The following TBC1D32 variants were observed in gnomAD, a reference collection of about 807,000 sequenced individuals.
TBC1D32 encodes the protein protein broad-minded.
TBC1D32 carries 151 observed loss-of-function variants against 170.3 expected under a neutral mutation model. That is an observed-to-expected ratio of 0.89 (90% CI 0.78 to 1.01). TBC1D32 has a LOEUF of 1.01. TBC1D32 is among the 50% of genes least tolerant of loss of function. The pLI, the probability that TBC1D32 is intolerant of heterozygous loss-of-function variation, is 0.00. For missense variants in TBC1D32, 1,464 were observed against 1,457.1 expected, an observed-to-expected ratio of 1.00 and a Z score of -0.08; for synonymous variants, 498 against 488.0, an observed-to-expected ratio of 1.02 and a Z score of -0.27.
chr6:121,160,378 G>GT (rs11310157), intron 23 of TBC1D32, among the ~76,000 whole-genome samples: 98,818 of 151,660 alleles, frequency 0.65, 37,150 homozygotes, highest in Non-Finnish European at 0.84. Context: ...AATTTACTGT[G>GT]TTTTTTTTCA....
chr6:121,175,906 G>C (rs1188897182), intron 22 of TBC1D32, among the ~76,000 whole-genome samples: 2 of 152,180 alleles, frequency 1.3e-5, no homozygotes, highest in Non-Finnish European at 2.9e-5. Context: ...ATTATTAGAA[G>C]ACAATAAAAC....
rs140923626 is a variant in TBC1D32 at position 121,290,197 on chromosome 6, T to A, written c.1372+1856A>T. On this transcript the variant is annotated intron_variant, in intron 12 of 31. Transcript: ENST00000398212. ...TTCTGCACAGCAAAAGAAACTACCA[T>A]CAGAGTCAATGGGCAACCTACAGAA... is the stretch of plus-strand genomic sequence containing the variant. Among the ~76,000 whole-genome samples, 1,403 of 152,204 alleles carry A rather than the reference T, an allele frequency of 9.2e-3. 24 individuals are homozygous for A. Among genetic ancestry groups the A allele is most frequent in the African/African-American group, 0.032 (1,321 of 41,542 alleles).
At chr6:121,130,172 A>G (rs1041453634) in intron 25 of TBC1D32, among the ~76,000 whole-genome samples, 2 of 152,138 alleles carry the variant, frequency 1.3e-5, no homozygotes, top group Non-Finnish European at 2.9e-5. Context: ...TTTAGACTCT[A>G]TTTTTAAGAG....
chr6:121,218,883 T>A (rs1242890655), intron 21 of TBC1D32, among the ~76,000 whole-genome samples: 1 of 152,150 alleles, frequency 6.6e-6, no homozygotes, highest in Non-Finnish European at 1.5e-5. Flanking sequence ...CCTGCTGCCA[T>A]GTGATGAAGG....
chr6:121,180,909 C>A (rs115431573), intron 22 of TBC1D32, among the ~76,000 whole-genome samples: 2,109 of 151,946 alleles, frequency 0.014, 43 homozygotes, highest in African/African-American at 0.047. Flanking sequence ...AATAATAACC[C>A]AATTTAAAAA....
chr6:121,133,438 A>C (rs1031695559), intron 24 of TBC1D32, among the ~76,000 whole-genome samples: 1 of 152,012 alleles, frequency 6.6e-6, no homozygotes, highest in African/African-American at 2.4e-5. Context: ...TGTCATATAA[A>C]GCATATGCAT....
intron 17 of TBC1D32, among the ~76,000 whole-genome samples, chr6:121,249,001 G>A (rs1356122754): frequency 6.6e-6 from 1 of 151,624 alleles, no homozygotes; most frequent in Admixed American, 6.6e-5. Context: ...AACATAAAAA[G>A]AAAACTACAG....
chr6:121,214,124 C>T (rs1793512720), intron 21 of TBC1D32, among the ~76,000 whole-genome samples: 3 of 152,244 alleles, frequency 2.0e-5, no homozygotes, highest in South Asian at 4.1e-4. Context: ...ATATCATATA[C>T]AAAAATTAGC....
chr6:121,209,454 T>A (rs1562916672), intron 21 of TBC1D32, among the ~76,000 whole-genome samples: 3 of 152,152 alleles, frequency 2.0e-5, no homozygotes, highest in Admixed American at 2.0e-4. Flanking sequence ...AACCAAAACT[T>A]CATACACTTT....
At chr6:121,232,551 T>C (rs917013923) in intron 20 of TBC1D32, among the ~76,000 whole-genome samples, 3 of 152,174 alleles carry the variant, frequency 2.0e-5, no homozygotes, top group Non-Finnish European at 2.9e-5. Flanking sequence ...TACCCATTCA[T>C]GAACATGAAA....
At chr6:121,138,758 T>C (rs1208217459) in intron 24 of TBC1D32, among the ~76,000 whole-genome samples, 1 of 152,090 alleles carries the variant, frequency 6.6e-6, no homozygotes, top group Non-Finnish European at 1.5e-5. Context: ...ACTATATGTG[T>C]AAGACAGAAT....
intron 21 of TBC1D32, among the ~76,000 whole-genome samples, chr6:121,216,314 G>C (rs1793817383): frequency 6.6e-6 from 1 of 152,120 alleles, no homozygotes; most frequent in African/African-American, 2.4e-5. Context: ...GGCTCTCCTT[G>C]CTCCTCAAGC....
intron 1 of TBC1D32, among the ~76,000 whole-genome samples, chr6:121,328,401 T>G (rs1810752573): frequency 6.6e-6 from 1 of 151,848 alleles, no homozygotes; most frequent in Non-Finnish European, 1.5e-5. Flanking sequence ...TTCTCCTGCC[T>G]CAGCCTACCG....
chr6:121,140,948 A>G (rs1353160440), intron 24 of TBC1D32, among the ~76,000 whole-genome samples: 8 of 152,304 alleles, frequency 5.3e-5, no homozygotes, highest in Non-Finnish European at 8.8e-5. Flanking sequence ...TAGCCTGAAC[A>G]AAAGTTTTAA....
intron 22 of TBC1D32, among the ~76,000 whole-genome samples, chr6:121,204,727 G>A (rs1792011185): frequency 6.7e-6 from 1 of 149,412 alleles, no homozygotes; most frequent in Non-Finnish European, 1.5e-5. Flanking sequence ...CCTTTTCTAG[G>A]CCTCTTTTGA....
intron 26 of TBC1D32, among the ~76,000 whole-genome samples, chr6:121,119,991 A>C (rs1780090554): frequency 1.3e-5 from 2 of 152,132 alleles, no homozygotes; most frequent in Non-Finnish European, 2.9e-5. Flanking sequence ...ACAATTTTTA[A>C]TTTAAAGCAA....
intron 17 of TBC1D32, among the ~76,000 whole-genome samples, chr6:121,251,073 TAAGAG>T (rs1236661149): frequency 6.6e-6 from 1 of 151,840 alleles, no homozygotes; most frequent in African/African-American, 2.4e-5. Flanking sequence ...CTCAAGGAAA[TAAGAG>T]AGGAGACAAA....
At chr6:121,288,410 A>G (rs1028535474) in intron 12 of TBC1D32, among the ~76,000 whole-genome samples, 11 of 152,064 alleles carry the variant, frequency 7.2e-5, no homozygotes, top group Admixed American at 3.9e-4. Context: ...TAGAAGAAAT[A>G]GATAAATTCC....
Position 121,255,342 on chromosome 6 carries a change from C to T in TBC1D32, c.2004G>A (p.Gln668=). Residue 668 remains glutamine, a synonymous_variant, in exon 17 of 32, where the codon CAG becomes CAA. Transcript: ENST00000398212. ...EGSDSVSSVS[Q]ESQNIMAWED... ...ATTGTACTTACATGTTTTGGGATTC[C>T]TGGCTTACTGAAGAAACAGAATCAG... is the stretch of plus-strand genomic sequence containing the variant. 6.4e-7 allele frequency: 1 copy of T among 1,569,664 alleles called. No homozygotes were observed. The highest frequency in any genetic ancestry group is 1.2e-5 in the South Asian group (1 of 83,002).
Sources: gnomAD v4.1 joint callset for allele counts (sites outside exome capture counted in the v4.1 genomes callset) on GRCh38, gnomAD v4.1.1 for gene constraint, MANE v1.5 for transcripts, NCBI Gene and HGNC (gene_info 2026-07-23, HGNC 2026-07-21) for gene names.